Variants in LRRTM4 observed in about 807,000 individuals in gnomAD.
The protein encoded by LRRTM4 is leucine-rich repeat transmembrane neuronal protein 4.
LRRTM4 carries 25 observed loss-of-function variants against 47.6 expected under a neutral mutation model. That is an observed-to-expected ratio of 0.53 (90% CI 0.38 to 0.73). The LOEUF is 0.73. Ranked by LOEUF, LRRTM4 falls within the 30% of genes least tolerant of loss-of-function variation. The pLI is 0.00. For missense variants in LRRTM4, 638 were observed against 713.4 expected (o/e 0.89, Z 1.20); for synonymous variants, 311 against 269.5 (o/e 1.15, Z -1.51).
chr2:76,987,141 T>C (rs1676826416), intron 3 of LRRTM4, among the ~76,000 whole-genome samples: 1 of 151,972 alleles, frequency 6.6e-6, no homozygotes, highest in East Asian at 1.9e-4. Context: ...TTGTAAATTC[T>C]GTGTAAGAAT....
chr2:77,430,368 A>T (rs185051256), intron 3 of LRRTM4, among the ~76,000 whole-genome samples: 25 of 152,168 alleles, frequency 1.6e-4, no homozygotes, highest in Non-Finnish European at 2.9e-4. Flanking sequence ...TTCTTATTCA[A>T]TTCTGGCTGT....
At chr2:77,354,025 C>T (rs182789731) in intron 3 of LRRTM4, among the ~76,000 whole-genome samples, 3 of 152,296 alleles carry the variant, frequency 2.0e-5, no homozygotes, top group Non-Finnish European at 4.4e-5. Flanking sequence ...CATATTTATA[C>T]CCACTTTTAA....
intron 3 of LRRTM4, among the ~76,000 whole-genome samples, chr2:76,843,047 G>A (rs764502190): frequency 5.3e-5 from 8 of 152,230 alleles, no homozygotes; most frequent in Middle Eastern, 3.4e-3. Context: ...TACACATTTC[G>A]GCTCTTTTTG....
At chr2:76,948,243 A>C (rs11886826) in intron 3 of LRRTM4, among the ~76,000 whole-genome samples, 43,879 of 151,668 alleles carry the variant, frequency 0.29, 8,262 homozygotes, top group African/African-American at 0.54. Context: ...TATAGATAGA[A>C]GTGATGACAA....
intron 3 of LRRTM4, among the ~76,000 whole-genome samples, chr2:77,392,103 A>G (rs920307087): frequency 6.6e-6 from 1 of 152,034 alleles, no homozygotes; most frequent in African/African-American, 2.4e-5. Context: ...AGACATTTAC[A>G]TCTATTCTCT....
chr2:76,868,360 C>A (rs766364224), intron 3 of LRRTM4, among the ~76,000 whole-genome samples: 2 of 152,062 alleles, frequency 1.3e-5, no homozygotes, highest in African/African-American at 2.4e-5. Flanking sequence ...CATCTCTCTG[C>A]GGACATAAGT....
chr2:77,358,642 A>G (rs996931999), intron 3 of LRRTM4, among the ~76,000 whole-genome samples: 2 of 152,246 alleles, frequency 1.3e-5, no homozygotes, highest in Non-Finnish European at 2.9e-5. Flanking sequence ...GTCAAAAAAT[A>G]TGAACTCTGA....
intron 3 of LRRTM4, among the ~76,000 whole-genome samples, chr2:77,032,577 GGACT>G (rs1678700663): frequency 6.6e-6 from 1 of 151,916 alleles, no homozygotes; most frequent in African/African-American, 2.4e-5. Flanking sequence ...AAAAAAAGCT[GGACT>G]AATTAAGATC....
At chr2:76,873,660 C>T (rs946896033) in intron 3 of LRRTM4, among the ~76,000 whole-genome samples, 1 of 151,198 alleles carries the variant, frequency 6.6e-6, no homozygotes, top group African/African-American at 2.4e-5. Flanking sequence ...TCTATGATAG[C>T]TTTGTGACCC....
At chr2:77,309,694 G>GAT (rs900397512) in intron 3 of LRRTM4, among the ~76,000 whole-genome samples, 2 of 140,908 alleles carry the variant, frequency 1.4e-5, no homozygotes, top group Non-Finnish European at 3.1e-5. Context: ...TAGATAGATA[G>GAT]ATAGATAGAT....
chr2:77,398,594 T>A (rs1458829075), intron 3 of LRRTM4, among the ~76,000 whole-genome samples: 1 of 151,854 alleles, frequency 6.6e-6, no homozygotes, highest in Admixed American at 6.6e-5. Flanking sequence ...AATAATGGAT[T>A]GTGTGTGAAA....
intron 3 of LRRTM4, among the ~76,000 whole-genome samples, chr2:76,942,666 C>T (rs1675187094): frequency 1.0e-5 from 1 of 98,390 alleles, no homozygotes. Context: ...AGTAACCAAC[C>T]TCTAGGAATC....
At chr2:77,149,238 T>G (rs538172500) in intron 3 of LRRTM4, among the ~76,000 whole-genome samples, 1 of 152,268 alleles carries the variant, frequency 6.6e-6, no homozygotes, top group East Asian at 1.9e-4. Context: ...CAATGACCTT[T>G]TTTACCAATT....
chr2:77,295,679 C>A (rs13410578), intron 3 of LRRTM4, among the ~76,000 whole-genome samples: 1 of 151,888 alleles, frequency 6.6e-6, no homozygotes, highest in African/African-American at 2.4e-5. Context: ...AAGGACCTAG[C>A]CCAGGCCTCT....
chr2:76,988,574 C>G (rs1676889145), intron 3 of LRRTM4, among the ~76,000 whole-genome samples: 1 of 151,786 alleles, frequency 6.6e-6, no homozygotes, highest in South Asian at 2.1e-4. Flanking sequence ...CTTCGAATTC[C>G]TCAAAAAGAA....
chr2:77,467,658 T>A (rs1315507394), intron 3 of LRRTM4, among the ~76,000 whole-genome samples: 2 of 152,168 alleles, frequency 1.3e-5, no homozygotes, highest in Non-Finnish European at 2.9e-5. Flanking sequence ...GTTTATTAGT[T>A]AGAGTGAGAT....
intron 3 of LRRTM4, among the ~76,000 whole-genome samples, chr2:77,340,597 GGAGTAAA>G (rs1671339025): frequency 6.6e-6 from 1 of 151,910 alleles, no homozygotes; most frequent in African/African-American, 2.4e-5. Flanking sequence ...CAGAGAACAA[GGAGTAAA>G]GAAGAATTGG....
chr2:76,941,006 C>G (rs1484715153), intron 3 of LRRTM4, among the ~76,000 whole-genome samples: 1 of 152,026 alleles, frequency 6.6e-6, no homozygotes, highest in Non-Finnish European at 1.5e-5. Flanking sequence ...AAAAGCAGCT[C>G]AAGTGTTTGG....
chr2:76,822,025 T>A (rs939754200), intron 3 of LRRTM4, among the ~76,000 whole-genome samples: 12 of 151,482 alleles, frequency 7.9e-5, no homozygotes, highest in Non-Finnish European at 1.5e-4. Context: ...GTTTATTGAA[T>A]CAATAAAAAT....
Sources: gnomAD v4.1 joint callset for allele counts (sites outside exome capture counted in the v4.1 genomes callset) on GRCh38, gnomAD v4.1.1 for gene constraint, MANE v1.5 for transcripts, NCBI Gene and HGNC (gene_info 2026-07-23, HGNC 2026-07-21) for gene names.